SMU1: variants seen among roughly 807,000 people sequenced by gnomAD.
SMU1 encodes the protein SMU1 DNA replication regulator and spliceosomal factor, also known as WD40 repeat-containing protein SMU1.
In SMU1, 2 loss-of-function variants were observed where a neutral mutation model predicts 62.0. That is an observed-to-expected ratio of 0.03 (90% confidence interval 0.01 to 0.10). The LOEUF (loss-of-function observed/expected upper bound fraction) is 0.10. Ranked by LOEUF, SMU1 falls within the 10% of genes least tolerant of loss-of-function variation. The pLI is 1.00. For synonymous variants in SMU1, 188 were observed against 212.4 expected, an observed-to-expected ratio of 0.89 and a Z score of 1.00; for missense variants, 227 against 622.1, an observed-to-expected ratio of 0.36 and a Z score of 6.76.
At chr9:33,075,784 A>T (rs1369341460) in intron 1 of SMU1, among the ~76,000 whole-genome samples, 1 of 152,154 alleles carries the variant, frequency 6.6e-6, no homozygotes, top group African/African-American at 2.4e-5. Context: ...CTCAGACACA[A>T]TTTTTATGTC....
intron 6 of SMU1, among the ~76,000 whole-genome samples, chr9:33,059,636 G>T (rs1839341432): frequency 6.8e-6 from 1 of 146,772 alleles, no homozygotes; most frequent in Admixed American, 6.8e-5. Flanking sequence ...ATGGAGTTTC[G>T]CTCTTGTTGC....
chr9:33,071,455 T>C (rs1839485224), intron 3 of SMU1, among the ~76,000 whole-genome samples: 1 of 152,174 alleles, frequency 6.6e-6, no homozygotes, highest in African/African-American at 2.4e-5. Flanking sequence ...AGGGCTAATG[T>C]GGAAATGACA....
rs1450272928 is a variant in SMU1 at position 33,043,525 on chromosome 9, C to T, written c.*3768G>A. 1 of 152,248 alleles carries T rather than the reference C, an allele frequency of 6.6e-6. No homozygotes were observed. Among genetic ancestry groups the T allele is most frequent in the Non-Finnish European group, 1.5e-5 (1 of 68,062 alleles). The allele number at this position is 152,248 out of a possible 1,614,324, so 9.4% of individuals were successfully genotyped here. On this transcript the variant is annotated 3_prime_UTR_variant, in exon 12 of 12. Coordinates refer to ENST00000397149, the MANE Select transcript of SMU1 (RefSeq NM_018225.3). ...ACACTTGTAAGAACCACTGTTCTAG[C>T]ACAAGCCAAAAGAAGTGACAGCAAA...
At position 33,044,331 on chromosome 9, in the gene SMU1, C is replaced by T. The variant is rs1252923677; in HGVS notation, c.*2962G>A. 6.6e-6 allele frequency: 1 copy of T among 152,246 alleles called. No individual in the cohort carries two copies. The highest frequency in any genetic ancestry group is 6.5e-5 in the Admixed American group (1 of 15,288). 9.4% of individuals were successfully genotyped at this position (152,246 alleles called of 1,614,324 possible). On this transcript the variant is annotated 3_prime_UTR_variant, in exon 12 of 12. Coordinates refer to ENST00000397149, the MANE Select transcript of SMU1 (RefSeq NM_018225.3). Reference sequence around the variant, plus strand: ...CCAATTTTGTAACAGTGACGTCACCCGACGTCTGCAGGCCCTGACAGTTGG... The same window carrying T: ...CCAATTTTGTAACAGTGACGTCACCTGACGTCTGCAGGCCCTGACAGTTGG...
chr9:33,058,875 AATGT>A (rs1389107154), intron 6 of SMU1, among the ~76,000 whole-genome samples: 1 of 152,190 alleles, frequency 6.6e-6, no homozygotes, highest in Non-Finnish European at 1.5e-5. Flanking sequence ...AAGTATTTGT[AATGT>A]ATATTATAAA....
chr9:33,054,567 A>G (rs998494489), intron 9 of SMU1, among the ~76,000 whole-genome samples: 1 of 152,190 alleles, frequency 6.6e-6, no homozygotes, highest in African/African-American at 2.4e-5. Flanking sequence ...TATGAACTGA[A>G]AGGGTTAAAT....
Position 33,045,233 on chromosome 9 carries a change from T to G in SMU1, c.*2060A>C, listed in dbSNP as rs531292130. 2.4e-4 allele frequency: 37 copies of G among 152,334 alleles called. No homozygotes were observed. The highest frequency in any genetic ancestry group is 8.4e-4 in the African/African-American group (35 of 41,568). 9.4% of individuals were successfully genotyped at this position (152,334 alleles called of 1,614,324 possible). A position where few individuals can be genotyped will look rare whatever the true frequency, so the allele number is the denominator to read the frequency against. On this transcript the variant is annotated 3_prime_UTR_variant, in exon 12 of 12. Transcript: ENST00000397149. ...CTCAAGGACTTTTCTAAAAATTTTT[T>G]TAGCATAAACTGTTTCCTCTAACTT... is the stretch of plus-strand genomic sequence containing the variant.
At chr9:33,056,389 T>G in intron 8 of SMU1, 150 bp from the exon 9 acceptor site, 1 of 768,010 alleles carries the variant, frequency 1.3e-6, no homozygotes, top group Non-Finnish European at 1.9e-6. Context: ...GGTGTAATTT[T>G]CACTATATCA....
intron 4 of SMU1, among the ~76,000 whole-genome samples, chr9:33,068,364 A>G (rs917136178): frequency 6.6e-6 from 1 of 152,314 alleles, no homozygotes; most frequent in East Asian, 1.9e-4. Flanking sequence ...TGCCTCTCCC[A>G]GGAAAGAGGG....
intron 1 of SMU1, among the ~76,000 whole-genome samples, chr9:33,075,969 A>G (rs1839540696): frequency 6.6e-6 from 1 of 152,290 alleles, no homozygotes; most frequent in South Asian, 2.1e-4. Context: ...TCCGTGCCAG[A>G]TCGGGCCTGA....
In SMU1 at chr9:33,047,266, C is replaced by T. The variant is rs372194734; in HGVS notation, c.*27G>A. ...TATGCTTCATTTAAGTACATGCTTTCGAGCTGATTTAAAAAGAAAAGTTGA... is the reference window on the plus strand; with the variant it reads ...TATGCTTCATTTAAGTACATGCTTTTGAGCTGATTTAAAAAGAAAAGTTGA... On this transcript the variant is annotated 3_prime_UTR_variant, in exon 12 of 12. Transcript: ENST00000397149. 44 of 1,502,762 alleles carry T rather than the reference C, an allele frequency of 2.9e-5. No individual in the cohort carries two copies. Among genetic ancestry groups the T allele is most frequent in the East Asian group, 1.1e-4 (5 of 43,882 alleles). The allele number at this position is 1,502,762 out of a possible 1,614,324, so 93.1% of individuals were successfully genotyped here. A position where few individuals can be genotyped will look rare whatever the true frequency, so the allele number is the denominator to read the frequency against.
At chr9:33,073,536 G>T in intron 2 of SMU1, 60 bp downstream of exon 2, 1 of 1,261,326 alleles carries the variant, frequency 7.9e-7, no homozygotes, top group South Asian at 1.3e-5. Flanking sequence ...ACGCTTTTTA[G>T]TTGGGGAGCT....
intron 4 of SMU1, 102 bp downstream of exon 4, chr9:33,068,722 C>A: frequency 1.5e-6 from 2 of 1,361,996 alleles, no homozygotes; most frequent in South Asian, 1.4e-5. Flanking sequence ...TTAGGCTGGT[C>A]TCCAACTACT....
chr9:33,051,133 A>T (rs79030301), intron 10 of SMU1, among the ~76,000 whole-genome samples: 12,680 of 74,638 alleles, frequency 0.17, 2,393 homozygotes, highest in African/African-American at 0.3. Flanking sequence ...AAAAAAAAAA[A>T]AATAAAAATA....
chr9:33,063,599 T>C (rs1221168165), intron 4 of SMU1, among the ~76,000 whole-genome samples: 1 of 152,002 alleles, frequency 6.6e-6, no homozygotes, highest in Non-Finnish European at 1.5e-5. Context: ...AGGAGGTGAG[T>C]AGCCAGGGAG....
intron 11 of SMU1, among the ~76,000 whole-genome samples, 169 bp from the exon 12 acceptor site, chr9:33,047,560 A>G (rs992791276): frequency 1.3e-5 from 2 of 152,194 alleles, no homozygotes; most frequent in African/African-American, 2.4e-5. Flanking sequence ...ACATTGTGAC[A>G]TAATAATAAA....
Position 33,076,616 on chromosome 9 carries a change from T to A in SMU1, c.-8A>T. 6.2e-7 allele frequency: 1 copy of A among 1,613,880 alleles called. No individual in the cohort carries two copies. The highest frequency in any genetic ancestry group is 1.3e-5 in the African/African-American group (1 of 75,040). On this transcript the variant is annotated 5_prime_UTR_variant, in exon 1 of 12. Transcript: ENST00000397149. ...TTCGATTTCGATCGACATAGCCGTA[T>A]CTCTCCGGGAGCAGGCCCCAGCTCT...
intron 6 of SMU1, among the ~76,000 whole-genome samples, chr9:33,060,163 C>T (rs1168929016): frequency 6.6e-6 from 1 of 152,018 alleles, no homozygotes; most frequent in Non-Finnish European, 1.5e-5. Flanking sequence ...TGCACACAAG[C>T]ATGCATGGTT....
chr9:33,073,317 G>A (rs1839508376), intron 2 of SMU1, among the ~76,000 whole-genome samples: 2 of 152,026 alleles, frequency 1.3e-5, no homozygotes, highest in South Asian at 4.1e-4. Context: ...AGGAAGGATT[G>A]ATCCTGGAAA....
Sources: gnomAD v4.1 joint callset for allele counts (sites outside exome capture counted in the v4.1 genomes callset) on GRCh38, gnomAD v4.1.1 for gene constraint, MANE v1.5 for transcripts, NCBI Gene and HGNC (gene_info 2026-07-23, HGNC 2026-07-21) for gene names.